The following CFI variants were observed in gnomAD, a reference collection of about 807,000 sequenced individuals.
The protein encoded by CFI is complement factor I.
CFI carries 66 observed loss-of-function variants against 78.8 expected under a neutral mutation model. The observed-to-expected ratio is 0.84, with a 90% confidence interval of 0.69 to 1.03. CFI has a LOEUF of 1.03. Among genes scored for constraint, CFI ranks in the 50% least tolerant of loss-of-function variants. CFI has a pLI of 0.00. For missense variants in CFI, 706 were observed against 704.5 expected (o/e 1.00, Z -0.02); for synonymous variants, 250 against 232.6 (o/e 1.07, Z -0.68).
chr4:109,796,996 A>G (rs747957254), intron 1 of CFI, among the ~76,000 whole-genome samples: 3 of 152,232 alleles, frequency 2.0e-5, no homozygotes, highest in Non-Finnish European at 4.4e-5. Context: ...TGTTTATACT[A>G]TTACAAATAA....
At chr4:109,785,522 T>C (rs908036378) in intron 1 of CFI, among the ~76,000 whole-genome samples, 1 of 151,978 alleles carries the variant, frequency 6.6e-6, no homozygotes, top group South Asian at 2.1e-4. Flanking sequence ...CCACCCACAC[T>C]TTTTTGCTCT....
intron 7 of CFI, among the ~76,000 whole-genome samples, chr4:109,756,634 G>A (rs1726186891): frequency 6.6e-6 from 1 of 151,932 alleles, no homozygotes; most frequent in Non-Finnish European, 1.5e-5. Context: ...GGCCGAGGCA[G>A]GTGGATCACG....
At chr4:109,738,693 C>T (rs1723523943), downstream of CFI, among the ~76,000 whole-genome samples, 1 of 152,142 alleles carries the variant, frequency 6.6e-6, no homozygotes, top group Non-Finnish European at 1.5e-5. Flanking sequence ...GTGCCCCCGG[C>T]CCTGCCATGT....
At chr4:109,745,946 A>T (rs1259756103) in intron 11 of CFI, among the ~76,000 whole-genome samples, 1 of 152,202 alleles carries the variant, frequency 6.6e-6, no homozygotes, top group Non-Finnish European at 1.5e-5. Flanking sequence ...AGTCCAGTGA[A>T]AAATGGAAAT....
intron 10 of CFI, among the ~76,000 whole-genome samples, chr4:109,748,658 CA>C (rs1399997624): frequency 2.0e-5 from 3 of 152,042 alleles, no homozygotes; most frequent in Non-Finnish European, 4.4e-5. Flanking sequence ...ACTTGAGTAG[CA>C]GAAAGCAATC....
At position 109,790,214 on chromosome 4, in the gene CFI, T is replaced by C. The variant is rs541626715; in HGVS notation, c.57+11701A>G. Among the ~76,000 whole-genome samples the C allele has an allele frequency of 8.7e-4, 132 of 152,014 alleles. 1 individual carries two copies. The highest frequency in any genetic ancestry group is 2.1e-4 in the Non-Finnish European group (14 of 67,934). ...ATCTTCTCTCTTTTTTCTTTCTCAG[T>C]TTAGCTAAGGTCTGACAATTTTGTG... On this transcript the variant is annotated intron_variant, in intron 1 of 12. Coordinates refer to ENST00000394634, the MANE Select transcript of CFI (RefSeq NM_000204.5).
Position 109,746,466 on chromosome 4 carries a change from T to C in CFI, c.1185A>G (p.Thr395=). 6.2e-7 allele frequency: 1 copy of C among 1,613,338 alleles called. No homozygotes were observed. The highest frequency in any genetic ancestry group is 8.5e-7 in the Non-Finnish European group (1 of 1,179,654). ...SKTHRYQIWT[T]VVDWIHPDLK... ...GGTCGGGGTGTATCCAGTCTACTAC[T>C]GTTGTCCATATTTGGTAACGATGAG... The change falls in exon 11 of 13, where the codon ACA becomes ACG. Residue 395 remains threonine (T), a synonymous_variant. Transcript: ENST00000394634.
At chr4:109,736,036 C>A (rs896460650), downstream of CFI, among the ~76,000 whole-genome samples, 6 of 152,220 alleles carry the variant, frequency 3.9e-5, no homozygotes, top group East Asian at 1.2e-3. Flanking sequence ...ACTATGGCGT[C>A]CAGGTGGCTG....
chr4:109,736,774 C>T (rs1228883399), downstream of CFI, among the ~76,000 whole-genome samples: 3 of 152,186 alleles, frequency 2.0e-5, no homozygotes, highest in East Asian at 3.8e-4. Context: ...TTCCTGGCTA[C>T]TTCCAAACCT....
chr4:109,747,953 T>C (rs1350735662), intron 10 of CFI, among the ~76,000 whole-genome samples: 1 of 152,016 alleles, frequency 6.6e-6, no homozygotes, highest in Non-Finnish European at 1.5e-5. Context: ...TGACAGGAGG[T>C]GGAGCTCAGG....
intron 1 of CFI, among the ~76,000 whole-genome samples, chr4:109,775,983 C>A (rs548340748): frequency 6.6e-6 from 1 of 152,134 alleles, no homozygotes; most frequent in Non-Finnish European, 1.5e-5. Flanking sequence ...CCCATCTGTA[C>A]GTCACCATCA....
At chr4:109,799,303 C>T (rs576635555) in intron 1 of CFI, among the ~76,000 whole-genome samples, 1 of 152,300 alleles carries the variant, frequency 6.6e-6, no homozygotes, top group Admixed American at 6.5e-5. Flanking sequence ...CTTTTCTGCT[C>T]TGAGTTCTGA....
downstream of CFI, among the ~76,000 whole-genome samples, chr4:109,738,669 A>C (rs547599395): frequency 2.6e-5 from 4 of 152,236 alleles, no homozygotes; most frequent in South Asian, 8.3e-4. Context: ...ATCGGCTGCT[A>C]TGTAGGAAGT....
intron 3 of CFI, 168 bp downstream of exon 3, chr4:109,764,369 G>A: frequency 1.3e-6 from 1 of 749,040 alleles, no homozygotes; most frequent in South Asian, 1.6e-5. Flanking sequence ...GGTTCCAAGT[G>A]TTGGGTAAAC....
intron 1 of CFI, chr4:109,793,347 A>G (rs1731615893): frequency 6.6e-6 from 1 of 152,196 alleles, no homozygotes; most frequent in Admixed American, 6.5e-5. Context: ...TTGTCTTTTA[A>G]CTCATGTGGG....
Position 109,766,695 on chromosome 4 carries a change from G to C in CFI, c.187C>G (p.Leu63Val). ...RCIEGTCVCK[L>V]PYQCPKNGTA... The stretch of plus-strand genomic sequence containing the variant: ...CCATTCTTTGGGCACTGATACGGTA[G>C]TTTACAAACACAGGTGCCCTCAATG... Residue 63 changes from leucine (L) to valine (V), a missense_variant, in exon 2 of 13, where the codon CTA becomes GTA. Transcript: ENST00000394634. The C allele has an allele frequency of 1.2e-6, 2 of 1,614,180 alleles. No individual in the cohort carries two copies. The highest frequency in any genetic ancestry group is 4.5e-5 in the East Asian group (2 of 44,880).
chr4:109,790,654 T>C (rs187236678), intron 1 of CFI, among the ~76,000 whole-genome samples: 2 of 152,280 alleles, frequency 1.3e-5, no homozygotes, highest in African/African-American at 4.8e-5. Flanking sequence ...TGTGTTCTCA[T>C]AATTTAGCTT....
chr4:109,763,935 ATATTC>A lies in CFI; in HGVS notation c.482+597_482+601del, dbSNP rs1279663651. Among the ~76,000 whole-genome samples, 3 of 149,930 alleles carry A rather than the reference ATATTC, an allele frequency of 2.0e-5. No homozygotes were observed. The East Asian group carries it at 5.8e-4, about 29-fold the overall frequency. ...AAGAAATTATATTGAAAGTTAGAAG[ATATTC>A]TGAACCAAACAATAAATAAAATATC... On this transcript the variant is annotated intron_variant, in intron 3 of 12. Coordinates refer to ENST00000394634, the MANE Select transcript of CFI (RefSeq NM_000204.5).
chr4:109,746,471 T>C lies in CFI; in HGVS notation c.1180A>G (p.Thr394Ala). The part of the protein sequence containing the change: ...ASKTHRYQIW[T>A]TVVDWIHPDL... ...GGGTGTATCCAGTCTACTACTGTTGTCCATATTTGGTAACGATGAGTTTTA... is the reference window on the plus strand; with the variant it reads ...GGGTGTATCCAGTCTACTACTGTTGCCCATATTTGGTAACGATGAGTTTTA... The change falls in exon 11 of 13, where the codon ACA becomes GCA. Residue 394 changes from threonine to alanine, a missense_variant. Coordinates refer to ENST00000394634, the MANE Select transcript of CFI (RefSeq NM_000204.5). The C allele has an allele frequency of 6.2e-7, 1 of 1,613,062 alleles. No homozygotes were observed. Among genetic ancestry groups the C allele is most frequent in the South Asian group, 1.1e-5 (1 of 90,906 alleles).
Sources: gnomAD v4.1 joint callset for allele counts (sites outside exome capture counted in the v4.1 genomes callset) on GRCh38, gnomAD v4.1.1 for gene constraint, MANE v1.5 for transcripts, NCBI Gene and HGNC (gene_info 2026-07-23, HGNC 2026-07-21) for gene names.